The following CSMD1 variants were observed in gnomAD, a reference collection of about 807,000 sequenced individuals.
The protein encoded by CSMD1 is CUB and Sushi multiple domains 1.
CSMD1 carries 213 observed loss-of-function variants against 417.5 expected under a neutral mutation model. The observed-to-expected ratio is 0.51, with a 90% confidence interval of 0.46 to 0.57. CSMD1 has a LOEUF of 0.57. CSMD1 is among the 20% of genes least tolerant of loss of function. The pLI is 0.00. For missense variants in CSMD1, 6,923 were observed against 4,529.7 expected, an observed-to-expected ratio of 1.53 and a Z score of -15.17; for synonymous variants, 2,862 against 1,736.8, an observed-to-expected ratio of 1.65 and a Z score of -16.11.
At chr8:4,549,201 T>G (rs1563277169) in intron 2 of CSMD1, among the ~76,000 whole-genome samples, 2 of 152,096 alleles carry the variant, frequency 1.3e-5, no homozygotes, top group Admixed American at 1.3e-4. Flanking sequence ...TTTCTGGAAA[T>G]CACTCCATTG....
chr8:3,176,840 G>T (rs905553082), intron 37 of CSMD1, among the ~76,000 whole-genome samples: 1 of 150,378 alleles, frequency 6.6e-6, no homozygotes, highest in African/African-American at 2.5e-5. Flanking sequence ...GTGCAGTGGT[G>T]CAATCATGGC....
chr8:4,448,196 T>C (rs912624724), intron 2 of CSMD1, among the ~76,000 whole-genome samples: 2 of 152,160 alleles, frequency 1.3e-5, no homozygotes, highest in African/African-American at 4.8e-5. Context: ...TTTTTAAAAG[T>C]TTTTTAACAC....
chr8:4,323,073 A>C (rs1460378164), intron 3 of CSMD1, among the ~76,000 whole-genome samples: 1 of 148,854 alleles, frequency 6.7e-6, no homozygotes, highest in Non-Finnish European at 1.5e-5. Flanking sequence ...ATAGAGAGTT[A>C]AGCAGCGAAG....
At chr8:3,491,228 C>T (rs541015636) in intron 11 of CSMD1, among the ~76,000 whole-genome samples, 1 of 152,136 alleles carries the variant, frequency 6.6e-6, no homozygotes, top group South Asian at 2.1e-4. Context: ...ACTCAAGATC[C>T]TGGAGCAGTA....
At chr8:3,529,751 G>T (rs1797900348) in intron 10 of CSMD1, among the ~76,000 whole-genome samples, 1 of 152,120 alleles carries the variant, frequency 6.6e-6, no homozygotes. Context: ...ACGGAATTTA[G>T]CCATGCAAAA....
At chr8:4,193,390 A>G (rs1563252018) in intron 3 of CSMD1, among the ~76,000 whole-genome samples, 1 of 152,204 alleles carries the variant, frequency 6.6e-6, no homozygotes, top group Non-Finnish European at 1.5e-5. Context: ...ATCAAAATGA[A>G]TATTCCTGGG....
chr8:4,084,948 C>A (rs772734529), intron 3 of CSMD1, among the ~76,000 whole-genome samples: 2 of 152,114 alleles, frequency 1.3e-5, no homozygotes, highest in Non-Finnish European at 2.9e-5. Flanking sequence ...TTTGGGAAAG[C>A]ACCTGCAGAA....
chr8:3,839,093 A>T (rs1266900801), intron 5 of CSMD1, among the ~76,000 whole-genome samples: 5 of 110,134 alleles, frequency 4.5e-5, no homozygotes, highest in South Asian at 5.2e-4. Flanking sequence ...TATATAATAT[A>T]ATATAGCCTA....
At chr8:4,895,339 C>T (rs1043945025) in intron 1 of CSMD1, among the ~76,000 whole-genome samples, 11 of 152,086 alleles carry the variant, frequency 7.2e-5, no homozygotes, top group African/African-American at 2.2e-4. Flanking sequence ...ATTTCAGTTT[C>T]TGGAGTAATG....
intron 2 of CSMD1, among the ~76,000 whole-genome samples, chr8:4,575,749 T>A (rs1730539086): frequency 6.6e-6 from 1 of 152,226 alleles, no homozygotes; most frequent in Non-Finnish European, 1.5e-5. Flanking sequence ...GATTTTCTTC[T>A]CTCATACTCC....
chr8:3,927,525 C>G (rs1244020357), intron 5 of CSMD1, among the ~76,000 whole-genome samples: 1 of 150,004 alleles, frequency 6.7e-6, no homozygotes, highest in East Asian at 1.9e-4. Context: ...ATTAGCCAGC[C>G]GTGGTGGTGC....
chr8:3,908,928 A>G (rs1276036816), intron 5 of CSMD1, among the ~76,000 whole-genome samples: 1 of 152,200 alleles, frequency 6.6e-6, no homozygotes, highest in Non-Finnish European at 1.5e-5. Flanking sequence ...TTGCTTTGCA[A>G]GCGCTGGCAA....
chr8:3,397,037 C>A (rs1811745326), intron 16 of CSMD1, among the ~76,000 whole-genome samples: 3 of 152,028 alleles, frequency 2.0e-5, no homozygotes, highest in Admixed American at 6.6e-5. Context: ...CTTATGCTTC[C>A]CGAGAATCTA....
chr8:4,415,473 G>C (rs1278533259), intron 3 of CSMD1, among the ~76,000 whole-genome samples: 1 of 152,086 alleles, frequency 6.6e-6, no homozygotes, highest in African/African-American at 2.4e-5. Context: ...AGCCCACTCT[G>C]TGATGGCCTC....
chr8:4,538,015 G>T (rs1281728965), intron 2 of CSMD1, among the ~76,000 whole-genome samples: 1 of 152,100 alleles, frequency 6.6e-6, no homozygotes, highest in African/African-American at 2.4e-5. Flanking sequence ...GTTTTCATCT[G>T]AATCACATAA....
At chr8:3,595,394 C>A (rs1801043787) in intron 8 of CSMD1, among the ~76,000 whole-genome samples, 1 of 152,168 alleles carries the variant, frequency 6.6e-6, no homozygotes, top group South Asian at 2.1e-4. Flanking sequence ...TTTTCTGGGT[C>A]ATTTTTTCTT....
At chr8:4,208,821 T>TA (rs1203893953) in intron 3 of CSMD1, among the ~76,000 whole-genome samples, 1 of 152,172 alleles carries the variant, frequency 6.6e-6, no homozygotes. Context: ...TTTACAGTTG[T>TA]TTAATATCTG....
intron 3 of CSMD1, among the ~76,000 whole-genome samples, chr8:4,142,024 A>G (rs1239107682): frequency 1.3e-5 from 2 of 150,132 alleles, no homozygotes; most frequent in Non-Finnish European, 2.9e-5. Flanking sequence ...CAAAACTTCT[A>G]TATTCAAAGA....
intron 5 of CSMD1, among the ~76,000 whole-genome samples, chr8:3,940,332 G>C (rs1447172012): frequency 2.6e-5 from 4 of 151,974 alleles, no homozygotes; most frequent in African/African-American, 9.7e-5. Flanking sequence ...TTCAAAATTT[G>C]TATTTCAGTA....
Sources: gnomAD v4.1 joint callset for allele counts (sites outside exome capture counted in the v4.1 genomes callset) on GRCh38, gnomAD v4.1.1 for gene constraint, MANE v1.5 for transcripts, NCBI Gene and HGNC (gene_info 2026-07-23, HGNC 2026-07-21) for gene names.